The following CBLN2 variants were observed in gnomAD, a reference collection of about 807,000 sequenced individuals.
The protein encoded by CBLN2 is cerebellin-2.
A neutral mutation model predicts 15.0 loss-of-function variants in CBLN2; 7 were observed. The observed-to-expected ratio is 0.47, with a 90% CI of 0.27 to 0.88. The LOEUF (loss-of-function observed/expected upper bound fraction) is 0.88. Ranked by LOEUF, CBLN2 falls within the 40% of genes least tolerant of loss-of-function variation. The probability of loss-of-function intolerance (pLI) is 0.14; values close to 1 mark genes in which losing one functional copy is unlikely to be tolerated. For missense variants in CBLN2, 242 were observed against 304.5 expected (o/e 0.79, Z 1.53); for synonymous variants, 149 against 135.2 (o/e 1.10, Z -0.71).
Position 72,542,202 on chromosome 18 carries a change from C to G in CBLN2, c.-42G>C, listed in dbSNP as rs1396925623. ...CGGCGCGCGGGGGTGGAGGCCGGCG[C>G]CGGCGCGAGCGGCGCGGAAGGGCGC... On this transcript the variant is annotated 5_prime_UTR_variant, in exon 3 of 5. Transcript: ENST00000269503. The G allele has an allele frequency of 4.3e-6, 5 of 1,173,122 alleles. No individual in the cohort carries two copies. The highest frequency in any genetic ancestry group is 4.2e-6 in the Non-Finnish European group (4 of 950,436). 72.7% of individuals were successfully genotyped at this position (1,173,122 alleles called of 1,614,324 possible).
At chr18:72,551,478 G>C (rs531231407) in intron 1 of CBLN2, among the ~76,000 whole-genome samples, 1 of 152,228 alleles carries the variant, frequency 6.6e-6, no homozygotes, top group Non-Finnish European at 1.5e-5. Flanking sequence ...GCTTGAAATA[G>C]AATTGACTAA....
intron 1 of CBLN2, among the ~76,000 whole-genome samples, chr18:72,602,274 G>A (rs1340761683): frequency 6.6e-6 from 1 of 152,222 alleles, no homozygotes; most frequent in African/African-American, 2.4e-5. Context: ...CAATAAGGGA[G>A]GGGATGGTGG....
At chr18:72,573,825 C>T (rs1243949574) in intron 1 of CBLN2, among the ~76,000 whole-genome samples, 1 of 152,200 alleles carries the variant, frequency 6.6e-6, no homozygotes, top group African/African-American at 2.4e-5. Context: ...ACAACTGTCG[C>T]ATCTTACGGT....
rs113955162 is a variant in CBLN2 at position 72,561,031 on chromosome 18, T to A, written c.16-22259A>T. On this transcript the variant is annotated intron_variant, in intron 1 of 2. Transcript: ENST00000581073. The stretch of plus-strand genomic sequence containing the variant: ...CTCAAAAAAAATAAAGAAAGAAAAA[T>A]AAAAATAAATAAATCAAATGACTGT... Among the ~76,000 whole-genome samples the A allele has an allele frequency of 9.2e-5, 14 of 151,744 alleles. 1 individual carries two copies. In the South Asian group the frequency reaches 1.2e-3, roughly 14 times the overall value.
intron 1 of CBLN2, among the ~76,000 whole-genome samples, chr18:72,630,726 CTCTT>C (rs1396971547): frequency 6.6e-6 from 1 of 152,130 alleles, no homozygotes; most frequent in Non-Finnish European, 1.5e-5. Flanking sequence ...TAGGTACTAA[CTCTT>C]TCTTCCTCTG....
At chr18:72,551,340 T>C (rs1412701947) in intron 1 of CBLN2, among the ~76,000 whole-genome samples, 2 of 152,216 alleles carry the variant, frequency 1.3e-5, no homozygotes, top group Admixed American at 6.5e-5. Flanking sequence ...GTGTATGTTT[T>C]GGTTTATAGA....
In CBLN2 at chr18:72,543,428, T is replaced by TA; in HGVS notation, c.-167+57dup. 1 of 398,236 alleles carries TA rather than the reference T, an allele frequency of 2.5e-6. No homozygotes were observed. Among genetic ancestry groups the TA allele is most frequent in the Non-Finnish European group, 4.4e-6 (1 of 225,968 alleles). 24.7% of individuals were successfully genotyped at this position (398,236 alleles called of 1,614,324 possible). The stretch of plus-strand genomic sequence containing the variant: ...GATCTGGACCAGGGAGAGTCTTCGT[T>TA]AAAATCCACGCAGAAGGCGCTTGCA... On this transcript the variant is annotated intron_variant, in intron 2 of 4. Coordinates refer to ENST00000269503, the MANE Select transcript of CBLN2 (RefSeq NM_182511.4). The surrounding 1 kb of genome is among the most constrained non-coding windows in gnomAD (Gnocchi z 6.8).
At chr18:72,547,125 C>T (rs2069163528), upstream of CBLN2, among the ~76,000 whole-genome samples, 1 of 134,612 alleles carries the variant, frequency 7.4e-6, no homozygotes, top group Admixed American at 7.3e-5. Context: ...CACACACACA[C>T]ACACACACAC....
At chr18:72,556,788 G>C (rs142719565) in intron 1 of CBLN2, among the ~76,000 whole-genome samples, 1 of 151,990 alleles carries the variant, frequency 6.6e-6, no homozygotes, top group Non-Finnish European at 1.5e-5. Context: ...GATTCTCAGC[G>C]TATTATGATG....
At chr18:72,626,308 CTT>C (rs2069738935) in intron 1 of CBLN2, among the ~76,000 whole-genome samples, 1 of 151,978 alleles carries the variant, frequency 6.6e-6, no homozygotes, top group South Asian at 2.1e-4. Context: ...AAATCCAACT[CTT>C]TACAATATTG....
At chr18:72,545,832 T>A (rs2069153915), upstream of CBLN2, among the ~76,000 whole-genome samples, 1 of 152,218 alleles carries the variant, frequency 6.6e-6, no homozygotes, top group South Asian at 2.1e-4. Flanking sequence ...CTTTCCTCAA[T>A]ACTGTAAGCA....
chr18:72,637,846 G>A (rs1444615347), intron 1 of CBLN2, among the ~76,000 whole-genome samples: 1 of 152,172 alleles, frequency 6.6e-6, no homozygotes, highest in Non-Finnish European at 1.5e-5. Context: ...AGTAGTATGT[G>A]GTATGAATAA....
intron 1 of CBLN2, among the ~76,000 whole-genome samples, chr18:72,573,417 C>G (rs1178240864): frequency 6.6e-6 from 1 of 152,152 alleles, no homozygotes; most frequent in Admixed American, 6.5e-5. Context: ...ACCTTCCGTG[C>G]TCTGCTTATT....
chr18:72,613,540 C>T (rs796505803), intron 1 of CBLN2, among the ~76,000 whole-genome samples: 9 of 151,978 alleles, frequency 5.9e-5, no homozygotes, highest in African/African-American at 1.4e-4. Flanking sequence ...ATGTGGCATG[C>T]CCTGGTGATA....
chr18:72,561,389 A>G (rs1378087116), intron 1 of CBLN2, among the ~76,000 whole-genome samples: 1 of 152,186 alleles, frequency 6.6e-6, no homozygotes, highest in Non-Finnish European at 1.5e-5. Flanking sequence ...GATTACTTAA[A>G]CCCTGTTAGT....
rs1373169784 is a variant in CBLN2, at chr18:72,543,578, G to C, written c.-211-48C>G. ...GTGGGAGCTGTCGGGAGGAGGACAC[G>C]GAGCGCGACCCTGCTCCCAGCGCGT... On this transcript the variant is annotated intron_variant, in intron 1 of 4. Transcript: ENST00000269503. This position sits in a 1 kb window ranked among gnomAD's most constrained non-coding sequence, Gnocchi z 6.8. 3 of 396,824 alleles carry C rather than the reference G, an allele frequency of 7.6e-6. No individual in the cohort carries two copies. In the East Asian group the frequency reaches 1.1e-4, roughly 14 times the overall value. 24.6% of individuals were successfully genotyped at this position (396,824 alleles called of 1,614,324 possible).
At chr18:72,610,974 T>A (rs193070704) in intron 1 of CBLN2, among the ~76,000 whole-genome samples, 1 of 152,194 alleles carries the variant, frequency 6.6e-6, no homozygotes, top group Non-Finnish European at 1.5e-5. Flanking sequence ...CTTCCACTTA[T>A]AAGTGAGAAC....
intron 1 of CBLN2, among the ~76,000 whole-genome samples, chr18:72,634,674 T>C (rs1384244546): frequency 3.9e-5 from 6 of 152,154 alleles, no homozygotes; most frequent in African/African-American, 7.2e-5. Flanking sequence ...GGATTTATAA[T>C]TGCAGCCACA....
In CBLN2 at chr18:72,543,444, G is replaced by C; in HGVS notation, c.-167+42C>G. 2.5e-6 allele frequency: 1 copy of C among 398,710 alleles called. No individual in the cohort carries two copies. The highest frequency in any genetic ancestry group is 4.4e-6 in the Non-Finnish European group (1 of 226,226). 24.7% of individuals were successfully genotyped at this position (398,710 alleles called of 1,614,324 possible). On this transcript the variant is annotated intron_variant, in intron 2 of 4. Transcript: ENST00000269503. This position sits in a 1 kb window ranked among gnomAD's most constrained non-coding sequence, Gnocchi z 6.8. ...AGTCTTCGTTAAAATCCACGCAGAA[G>C]GCGCTTGCATGCGGAGGGGAGGGCA... is the stretch of plus-strand genomic sequence containing the variant.
Sources: gnomAD v4.1 joint callset for allele counts (sites outside exome capture counted in the v4.1 genomes callset) on GRCh38, gnomAD v4.1.1 for gene constraint, Gnocchi (gnomAD v3.1) non-coding constraint, MANE v1.5 for transcripts, NCBI Gene and HGNC (gene_info 2026-07-23, HGNC 2026-07-21) for gene names.